The following WDPCP variants were observed in gnomAD, a reference collection of about 807,000 sequenced individuals.
The protein encoded by WDPCP is WD repeat-containing and planar cell polarity effector protein fritz homolog.
A neutral mutation model predicts 93.1 loss-of-function variants in WDPCP; 71 were observed. The ratio of observed to expected loss-of-function variants is 0.76; its 90% confidence interval spans 0.63 to 0.93. The LOEUF (loss-of-function observed/expected upper bound fraction) is 0.93. WDPCP is among the 40% of genes least tolerant of loss of function. The pLI, the probability that WDPCP is intolerant of heterozygous loss-of-function variation, is 0.00. For synonymous variants in WDPCP, 315 were observed against 315.0 expected (o/e 1.00, Z 0.00); for missense variants, 844 against 887.4 (o/e 0.95, Z 0.62).
chr2:63,255,088 T>C (rs1352746922), intron 14 of WDPCP, among the ~76,000 whole-genome samples: 1 of 152,156 alleles, frequency 6.6e-6, no homozygotes, highest in Non-Finnish European at 1.5e-5. Flanking sequence ...TACCTATTCA[T>C]GATAGAAACT....
intron 10 of WDPCP, among the ~76,000 whole-genome samples, chr2:63,394,506 T>C (rs1027162058): frequency 3.3e-5 from 5 of 152,048 alleles, no homozygotes; most frequent in African/African-American, 1.2e-4. Flanking sequence ...TGAAACAGAA[T>C]TGCCATTCAA....
chr2:63,405,587 T>TGTGTGTGTGTG (rs1694513284), intron 9 of WDPCP, among the ~76,000 whole-genome samples: 5 of 60,218 alleles, frequency 8.3e-5, no homozygotes, highest in African/African-American at 3.9e-4. Flanking sequence ...GTGTGTGTGT[T>TGTGTGTGTGTG]GGCGGGGGTG....
At chr2:63,799,924 G>T (rs544727986) in intron 2 of WDPCP, among the ~76,000 whole-genome samples, 2 of 152,252 alleles carry the variant, frequency 1.3e-5, no homozygotes, top group East Asian at 1.9e-4. Context: ...CCTCCATTGT[G>T]GGGGATGGAG....
chr2:63,814,463 G>C (rs1670903608), intron 1 of WDPCP, among the ~76,000 whole-genome samples: 1 of 152,138 alleles, frequency 6.6e-6, no homozygotes, highest in Non-Finnish European at 1.5e-5. Context: ...AGAAGGCAAA[G>C]GAAATCACAG....
At chr2:63,565,262 T>C (rs993469015) in intron 1 of WDPCP, among the ~76,000 whole-genome samples, 2 of 152,214 alleles carry the variant, frequency 1.3e-5, no homozygotes, top group Non-Finnish European at 2.9e-5. Flanking sequence ...AAAAAAGTAA[T>C]GCGTTATTTT....
At chr2:63,723,167 T>A (rs1390102818) in intron 2 of WDPCP, among the ~76,000 whole-genome samples, 1 of 151,688 alleles carries the variant, frequency 6.6e-6, no homozygotes. Flanking sequence ...CAGGGTCCTC[T>A]GCCTAGGAAA....
chr2:63,728,562 AT>A (rs1275506682), intron 2 of WDPCP, among the ~76,000 whole-genome samples: 1 of 152,192 alleles, frequency 6.6e-6, no homozygotes, highest in Non-Finnish European at 1.5e-5. Context: ...CATATACTAA[AT>A]TTTATTTACA....
the WDPCP span, among the ~76,000 whole-genome samples, chr2:63,833,929 T>A: frequency 6.6e-6 from 1 of 152,100 alleles, no homozygotes. Context: ...AGAAAGAATA[T>A]AAATTATAAA....
intron 14 of WDPCP, among the ~76,000 whole-genome samples, chr2:63,244,801 A>AC (rs1290334248): frequency 6.6e-6 from 1 of 152,168 alleles, no homozygotes; most frequent in African/African-American, 2.4e-5. Flanking sequence ...GATTGCAGTG[A>AC]CGTATTCCCA....
intron 2 of WDPCP, among the ~76,000 whole-genome samples, chr2:63,766,727 C>G (rs1163473149): frequency 6.6e-6 from 1 of 152,084 alleles, no homozygotes; most frequent in Non-Finnish European, 1.5e-5. Flanking sequence ...TCTCAAAAGA[C>G]TCTTCTTATC....
At chr2:63,418,615 G>A (rs1695605694) in intron 9 of WDPCP, among the ~76,000 whole-genome samples, 1 of 152,082 alleles carries the variant, frequency 6.6e-6, no homozygotes, top group African/African-American at 2.4e-5. Flanking sequence ...TACATGTTGG[G>A]GATTTCAGGA....
intron 1 of WDPCP, among the ~76,000 whole-genome samples, chr2:63,493,458 T>C (rs897615315): frequency 6.6e-6 from 1 of 152,066 alleles, no homozygotes; most frequent in Non-Finnish European, 1.5e-5. Flanking sequence ...GAAACATAAT[T>C]ACTTAAAAGT....
In WDPCP at chr2:63,434,992, T is replaced by C. The variant is rs534045295; in HGVS notation, c.634-1056A>G. Among the ~76,000 whole-genome samples the C allele has an allele frequency of 1.2e-4, 18 of 152,302 alleles. No individual in the cohort carries two copies. The East Asian group carries it at 3.1e-3, about 26-fold the overall frequency. Reference sequence around the variant, plus strand: ...ATTAAAACCAAGGTTAATGCTTTAATAATCCTCTGCTATTTTTTTTCAATA... The same window carrying C: ...ATTAAAACCAAGGTTAATGCTTTAACAATCCTCTGCTATTTTTTTTCAATA... On this transcript the variant is annotated intron_variant, in intron 8 of 17. Transcript: ENST00000272321.
At chr2:63,834,433 AT>A in the WDPCP span, among the ~76,000 whole-genome samples, 35 of 148,920 alleles carry the variant, frequency 2.4e-4, no homozygotes, top group East Asian at 2.5e-3. Flanking sequence ...CCAAATTCTC[AT>A]TTTTTTTTTA....
chr2:63,126,950 T>C (rs2153397117), intron 17 of WDPCP, among the ~76,000 whole-genome samples: 1 of 152,116 alleles, frequency 6.6e-6, no homozygotes, highest in Non-Finnish European at 1.5e-5. Context: ...CCCAAATCAC[T>C]AGGATTACAG....
chr2:63,587,523 T>C (rs1708942675), intron 1 of WDPCP, among the ~76,000 whole-genome samples: 1 of 152,246 alleles, frequency 6.6e-6, no homozygotes, highest in East Asian at 1.9e-4. Context: ...GGCATTCATT[T>C]ATCAGTGACA....
intron 2 of WDPCP, among the ~76,000 whole-genome samples, chr2:63,671,995 C>T (rs1184937090): frequency 6.6e-6 from 1 of 152,068 alleles, no homozygotes; most frequent in African/African-American, 2.4e-5. Flanking sequence ...GGTGGGATAT[C>T]CATTTTTCCA....
intron 1 of WDPCP, among the ~76,000 whole-genome samples, chr2:63,585,159 T>C (rs925574518): frequency 8.5e-5 from 13 of 152,244 alleles, no homozygotes; most frequent in African/African-American, 1.4e-4. Context: ...GTGGTTCTCA[T>C]TGAGACTACA....
chr2:63,432,973 G>A (rs1020646524), intron 9 of WDPCP, among the ~76,000 whole-genome samples: 1 of 152,138 alleles, frequency 6.6e-6, no homozygotes, highest in Non-Finnish European at 1.5e-5. Context: ...AACTGATTTA[G>A]AGGCAAATAT....
Sources: gnomAD v4.1 joint callset for allele counts (sites outside exome capture counted in the v4.1 genomes callset) on GRCh38, gnomAD v4.1.1 for gene constraint, MANE v1.5 for transcripts, NCBI Gene and HGNC (gene_info 2026-07-23, HGNC 2026-07-21) for gene names.